Variants in PSD3 observed in about 807,000 individuals in gnomAD.
PSD3 encodes pleckstrin and Sec7 domain containing 3.
Under a neutral mutation model 105.5 loss-of-function variants are expected in PSD3, and 49 were observed. The observed-to-expected ratio is 0.46, with a 90% CI of 0.37 to 0.59. PSD3 has a LOEUF of 0.59. PSD3 is among the 20% of genes least tolerant of loss of function. The probability of loss-of-function intolerance (pLI) is 0.00; values close to 1 mark genes in which losing one functional copy is unlikely to be tolerated. For missense variants in PSD3, 1,561 were observed against 1,263.8 expected (o/e 1.24, Z -3.57); for synonymous variants, 557 against 457.8 (o/e 1.22, Z -2.77).
chr8:18,739,951 G>C (rs2129434193), intron 9 of PSD3, among the ~76,000 whole-genome samples: 1 of 152,276 alleles, frequency 6.6e-6, no homozygotes, highest in East Asian at 1.9e-4. Flanking sequence ...ATTTCTAAAA[G>C]AAATGTCAAG....
intron 8 of PSD3, among the ~76,000 whole-genome samples, chr8:18,792,923 GTC>G (rs1231362742): frequency 6.6e-6 from 1 of 152,114 alleles, no homozygotes; most frequent in Non-Finnish European, 1.5e-5. Flanking sequence ...CTTGGAACCA[GTC>G]CAAATGTCCA....
intron 1 of PSD3, among the ~76,000 whole-genome samples, chr8:19,054,785 C>T (rs187140178): frequency 5.2e-4 from 79 of 152,250 alleles, no homozygotes; most frequent in African/African-American, 1.7e-3. Context: ...ATAGCACAAA[C>T]AATATTAAAT....
chr8:18,771,344 G>T (rs1311911770), intron 8 of PSD3, among the ~76,000 whole-genome samples: 2 of 152,166 alleles, frequency 1.3e-5, no homozygotes, highest in African/African-American at 4.8e-5. Flanking sequence ...TCACTTTGAA[G>T]CACAAAAGGT....
intron 9 of PSD3, among the ~76,000 whole-genome samples, chr8:18,667,455 G>T (rs141632024): frequency 0.034 from 5,140 of 152,196 alleles, 283 homozygotes; most frequent in African/African-American, 0.12. Context: ...TAGACATGAA[G>T]ATTCTCCAAG....
chr8:19,001,948 G>T (rs1480013074), intron 1 of PSD3: 1 of 170,898 alleles, frequency 5.9e-6, no homozygotes. Flanking sequence ...CTTTGAGGCC[G>T]ACTAACGGTG....
chr8:19,038,637 T>G (rs1828024684), intron 1 of PSD3, among the ~76,000 whole-genome samples: 1 of 152,058 alleles, frequency 6.6e-6, no homozygotes, highest in South Asian at 2.1e-4. Flanking sequence ...ATTTTTTTAT[T>G]TTTTTGTAGA....
Position 18,819,927 on chromosome 8 carries a change from C to T in PSD3, c.1635-15029G>A, listed in dbSNP as rs147408801. Among the ~76,000 whole-genome samples the T allele has an allele frequency of 2.6e-4, 40 of 152,248 alleles. No individual in the cohort carries two copies. The East Asian group carries it at 6.9e-3, about 26-fold the overall frequency. On this transcript the variant is annotated intron_variant, in intron 4 of 15. Coordinates refer to ENST00000327040, the MANE Select transcript of PSD3 (RefSeq NM_015310.4). ...AGTGTGAACCCTGGCAGCCAGGTGG[C>T]TGTCAGACTTTTATTACCTGTGCAC...
At chr8:18,787,590 G>A (rs555411882) in intron 8 of PSD3, among the ~76,000 whole-genome samples, 8 of 152,196 alleles carry the variant, frequency 5.3e-5, no homozygotes, top group East Asian at 1.9e-4. Context: ...CTTTATGGGA[G>A]CAAATATTAA....
intron 1 of PSD3, among the ~76,000 whole-genome samples, chr8:19,059,901 G>C (rs897841218): frequency 5.9e-5 from 9 of 152,160 alleles, no homozygotes; most frequent in African/African-American, 2.2e-4. Context: ...GGAACTTCTG[G>C]CTTTGCTCTG....
intron 10 of PSD3, among the ~76,000 whole-genome samples, chr8:18,638,251 G>A (rs1807410411): frequency 6.7e-6 from 1 of 150,278 alleles, no homozygotes; most frequent in Non-Finnish European, 1.5e-5. Flanking sequence ...CTAAGACCAT[G>A]AACAAGACAA....
chr8:19,038,833 T>G (rs1429661611), intron 1 of PSD3, among the ~76,000 whole-genome samples: 1 of 152,206 alleles, frequency 6.6e-6, no homozygotes, highest in Non-Finnish European at 1.5e-5. Flanking sequence ...GCTAAGCAAT[T>G]AAAATAGGTT....
At chr8:18,687,522 C>T (rs941372102) in intron 9 of PSD3, among the ~76,000 whole-genome samples, 1 of 150,546 alleles carries the variant, frequency 6.6e-6, no homozygotes, top group African/African-American at 2.4e-5. Flanking sequence ...ACAATAAATA[C>T]GAAATGATTT....
chr8:18,808,803 C>A (rs367638003), intron 4 of PSD3: 32 of 1,613,868 alleles, frequency 2.0e-5, no homozygotes, highest in Non-Finnish European at 2.6e-5. Context: ...CCCTGGGGTG[C>A]GCCTGGACCA....
intron 2 of PSD3, among the ~76,000 whole-genome samples, chr8:18,907,779 C>G (rs1273712210): frequency 6.6e-6 from 1 of 152,156 alleles, no homozygotes. Context: ...AGTAACAACC[C>G]CGTGAATACA....
At chr8:19,026,691 C>T (rs1365143450) in intron 1 of PSD3, among the ~76,000 whole-genome samples, 3 of 101,902 alleles carry the variant, frequency 2.9e-5, no homozygotes, top group African/African-American at 4.3e-5. Context: ...ATAGCAAGAC[C>T]ACATCTCTAC....
chr8:19,021,592 G>C (rs1326660753), intron 1 of PSD3, among the ~76,000 whole-genome samples: 1 of 149,632 alleles, frequency 6.7e-6, no homozygotes, highest in African/African-American at 2.5e-5. Context: ...TCTTGGAATT[G>C]TAAAGAGAAA....
chr8:18,552,910 C>G (rs528832839), intron 15 of PSD3, among the ~76,000 whole-genome samples: 1 of 152,254 alleles, frequency 6.6e-6, no homozygotes, highest in East Asian at 1.9e-4. Context: ...AACCTCTTTT[C>G]TAACAGGCTA....
At position 18,799,688 on chromosome 8, in the gene PSD3, A is replaced by G. The variant is rs181087217; in HGVS notation, c.2024-335T>C. 6.6e-5 allele frequency among the ~76,000 whole-genome samples: 10 copies of G among 152,306 alleles called. No homozygotes were observed. The East Asian group carries it at 1.9e-3, about 29-fold the overall frequency. On this transcript the variant is annotated intron_variant, in intron 7 of 15. Transcript: ENST00000327040. ...ATAATTAGTGATCTATACATAGTAC[A>G]AGGATATCCAGACAAGCATTGCTTA... is the stretch of plus-strand genomic sequence containing the variant.
chr8:18,832,473 G>A (rs538640944), intron 4 of PSD3, among the ~76,000 whole-genome samples: 5 of 152,190 alleles, frequency 3.3e-5, no homozygotes, highest in Admixed American at 1.3e-4. Flanking sequence ...ATTTCCCTAC[G>A]CCGCTACTTC....
Sources: gnomAD v4.1 joint callset for allele counts (sites outside exome capture counted in the v4.1 genomes callset) on GRCh38, gnomAD v4.1.1 for gene constraint, MANE v1.5 for transcripts, NCBI Gene and HGNC (gene_info 2026-07-23, HGNC 2026-07-21) for gene names.